CHRM5: variants seen among roughly 807,000 people sequenced by gnomAD.
CHRM5 encodes cholinergic receptor muscarinic 5.
In CHRM5, 18 loss-of-function variants were observed where a neutral mutation model predicts 39.0. The ratio of observed to expected loss-of-function variants is 0.46; its 90% CI spans 0.32 to 0.68. The LOEUF (loss-of-function observed/expected upper bound fraction) is 0.68. CHRM5 is among the 30% of genes least tolerant of loss of function. CHRM5 has a pLI of 0.04. For missense variants in CHRM5, 515 were observed against 651.1 expected (o/e 0.79, Z 2.28); for synonymous variants, 241 against 246.3 (o/e 0.98, Z 0.20).
chr15:33,997,818 C>T (rs919839461), intron 1 of CHRM5, among the ~76,000 whole-genome samples: 21 of 152,136 alleles, frequency 1.4e-4, no homozygotes, highest in African/African-American at 2.7e-4. Context: ...CCTACCCTTC[C>T]GTCCGGTCTT....
chr15:34,014,406 A>AGGATTCT (rs1451547229), intron 1 of CHRM5, among the ~76,000 whole-genome samples: 20 of 146,184 alleles, frequency 1.4e-4, no homozygotes, highest in African/African-American at 5.2e-4. Context: ...ACCACGTTTG[A>AGGATTCT]GGATTCTGGG....
rs1270541618 is a variant in CHRM5, at chr15:34,063,726, T to C, written c.1009T>C (p.Phe337Leu). ...SQGKESPGEEFSAEETEETFV... is the reference protein window; with the variant it reads ...SQGKESPGEELSAEETEETFV... ...GGGTAAGGAAAGCCCAGGGGAAGAA[T>C]TCAGTGCTGAAGAGACTGAGGAAAC... is the stretch of plus-strand genomic sequence containing the variant. Residue 337 changes from phenylalanine (F) to leucine (L), a missense_variant, in exon 3 of 3, where the codon TTC becomes CTC. Phe to Leu is a conservative substitution (Grantham distance 22). Transcript: ENST00000383263. This position sits in a 1 kb window ranked among gnomAD's most constrained non-coding sequence, Gnocchi z 4.1. 2 of 1,614,062 alleles carry C rather than the reference T, an allele frequency of 1.2e-6. No individual in the cohort carries two copies. Among genetic ancestry groups the C allele is most frequent in the Non-Finnish European group, 1.7e-6 (2 of 1,180,050 alleles).
chr15:34,066,036 C>T lies in CHRM5; in HGVS notation c.*1720C>T, dbSNP rs1390705564. 2.0e-5 allele frequency: 3 copies of T among 152,380 alleles called. No homozygotes were observed. Among genetic ancestry groups the T allele is most frequent in the Admixed American group, 6.5e-5 (1 of 15,306 alleles). The allele number at this position is 152,380 out of a possible 1,614,324, so 9.4% of individuals were successfully genotyped here. A position where few individuals can be genotyped will look rare whatever the true frequency, so the allele number is the denominator to read the frequency against. ...CATCAGCCTCTCACAGGATGTCCCA[C>T]GGAGGCTTCAGGGTAGTAGAATCTC... On this transcript the variant is annotated 3_prime_UTR_variant, in exon 3 of 3. Coordinates refer to ENST00000383263, the MANE Select transcript of CHRM5 (RefSeq NM_012125.4).
chr15:33,984,047 G>A (rs140009973), intron 1 of CHRM5, among the ~76,000 whole-genome samples: 52 of 152,078 alleles, frequency 3.4e-4, no homozygotes, highest in African/African-American at 1.2e-3. Flanking sequence ...AAGAGACTAA[G>A]GAAATACAAA....
At chr15:34,007,608 C>A (rs577248538) in intron 1 of CHRM5, among the ~76,000 whole-genome samples, 42 of 152,342 alleles carry the variant, frequency 2.8e-4, no homozygotes, top group African/African-American at 9.6e-4. Context: ...TTACTCACTA[C>A]ACAATTCCAA....
intron 1 of CHRM5, among the ~76,000 whole-genome samples, chr15:34,036,721 G>A (rs535413111): frequency 3.9e-5 from 6 of 152,190 alleles, no homozygotes; most frequent in East Asian, 3.9e-4. Flanking sequence ...AGACCAACTC[G>A]ACAAAAGAAA....
At chr15:34,002,549 T>G (rs1897176802) in intron 1 of CHRM5, among the ~76,000 whole-genome samples, 1 of 152,078 alleles carries the variant, frequency 6.6e-6, no homozygotes, top group Non-Finnish European at 1.5e-5. Flanking sequence ...CAGAGAAGAC[T>G]ATCCAAAAGC....
At chr15:34,036,066 G>T (rs1457719447) in intron 1 of CHRM5, among the ~76,000 whole-genome samples, 1 of 151,814 alleles carries the variant, frequency 6.6e-6, no homozygotes, top group Non-Finnish European at 1.5e-5. Context: ...AAAGTGCTGG[G>T]ATTACAAGCG....
At chr15:34,009,302 TCAAATCCACATGAAAAAAA>T (rs1157685751) in intron 1 of CHRM5, among the ~76,000 whole-genome samples, 2 of 152,164 alleles carry the variant, frequency 1.3e-5, no homozygotes, top group African/African-American at 4.8e-5. Context: ...AAACAGCAAT[TCAAATCCACATGAAAAAAA>T]CAAATCCACA....
chr15:34,039,621 G>A (rs1899379390), intron 1 of CHRM5, among the ~76,000 whole-genome samples: 1 of 152,152 alleles, frequency 6.6e-6, no homozygotes, highest in Admixed American at 6.5e-5. Context: ...GTTTGTGTCT[G>A]GTGAGAGGTG....
chr15:33,984,419 T>G (rs201818659), intron 1 of CHRM5, among the ~76,000 whole-genome samples: 1 of 148,234 alleles, frequency 6.7e-6, no homozygotes, highest in Non-Finnish European at 1.5e-5. Flanking sequence ...TTTTTTTTTT[T>G]GAGACAGAGT....
At chr15:33,997,884 C>A (rs1178800606) in intron 1 of CHRM5, among the ~76,000 whole-genome samples, 1 of 152,184 alleles carries the variant, frequency 6.6e-6, no homozygotes, top group Non-Finnish European at 1.5e-5. Context: ...TACCTGTTCT[C>A]ACCTTAAATT....
chr15:34,039,068 G>T, intron 1 of CHRM5: 1 of 1,086,720 alleles, frequency 9.2e-7, no homozygotes, highest in South Asian at 4.3e-5. Flanking sequence ...TGGCGGTGCT[G>T]AGCGCGCGGG....
intron 1 of CHRM5, among the ~76,000 whole-genome samples, chr15:34,028,148 A>C (rs965582579): frequency 6.6e-6 from 1 of 152,194 alleles, no homozygotes; most frequent in Admixed American, 6.5e-5. Context: ...AAGCCATTTA[A>C]AAAATTTTTT....
At chr15:34,028,841 A>G (rs1304414415) in intron 1 of CHRM5, among the ~76,000 whole-genome samples, 1 of 152,032 alleles carries the variant, frequency 6.6e-6, no homozygotes, top group Non-Finnish European at 1.5e-5. Flanking sequence ...CACCACCATC[A>G]TCGGCCACCA....
intron 1 of CHRM5, among the ~76,000 whole-genome samples, chr15:34,033,315 G>C (rs551162720): frequency 6.6e-6 from 1 of 152,254 alleles, no homozygotes; most frequent in East Asian, 1.9e-4. Context: ...AAACCAGCCT[G>C]AGCAACACGG....
At position 34,066,792 on chromosome 15, in the gene CHRM5, G is replaced by A. The variant is rs907493322; in HGVS notation, c.*2476G>A. 1 of 141,762 alleles carries A rather than the reference G, an allele frequency of 7.1e-6. No homozygotes were observed. The highest frequency in any genetic ancestry group is 1.5e-5 in the Non-Finnish European group (1 of 65,886). 8.8% of individuals were successfully genotyped at this position (141,762 alleles called of 1,614,324 possible). A position where few individuals can be genotyped will look rare whatever the true frequency, so the allele number is the denominator to read the frequency against. ...ATCACACTACTGCATTCCAGTCTAA[G>A]TGACAGAGCAAGACCCTGCCTCAAA... On this transcript the variant is annotated 3_prime_UTR_variant, in exon 3 of 3. Coordinates refer to ENST00000383263, the MANE Select transcript of CHRM5 (RefSeq NM_012125.4).
intron 1 of CHRM5, among the ~76,000 whole-genome samples, chr15:34,021,278 T>C (rs1448396890): frequency 1.3e-5 from 2 of 151,764 alleles, no homozygotes; most frequent in Non-Finnish European, 2.9e-5. Context: ...AGCTAAAAAA[T>C]ATTTTCTGTA....
chr15:34,038,756 G>A (rs867276587), intron 1 of CHRM5: 43 of 1,159,268 alleles, frequency 3.7e-5, no homozygotes, highest in Middle Eastern at 3.6e-4. Context: ...CGCGGTCCCA[G>A]CCCCACCAGC....
Sources: gnomAD v4.1 joint callset for allele counts (sites outside exome capture counted in the v4.1 genomes callset) on GRCh38, gnomAD v4.1.1 for gene constraint, Gnocchi (gnomAD v3.1) non-coding constraint, MANE v1.5 for transcripts, NCBI Gene and HGNC (gene_info 2026-07-23, HGNC 2026-07-21) for gene names.